BCKDHB: variants seen among roughly 807,000 people sequenced by gnomAD.
BCKDHB encodes 2-oxoisovalerate dehydrogenase subunit beta, mitochondrial.
Under a neutral mutation model 48.5 loss-of-function variants are expected in BCKDHB, and 41 were observed. The ratio of observed to expected loss-of-function variants is 0.85; its 90% CI spans 0.66 to 1.10. BCKDHB has a LOEUF of 1.10. Ranked by LOEUF, BCKDHB falls within the 50% of genes least tolerant of loss-of-function variation. BCKDHB has a pLI of 0.00. For synonymous variants in BCKDHB, 201 were observed against 174.8 expected (o/e 1.15, Z -1.18); for missense variants, 496 against 494.2 (o/e 1.00, Z -0.03).
intron 9 of BCKDHB, among the ~76,000 whole-genome samples, chr6:80,341,004 T>C (rs762975885): frequency 2.9e-4 from 44 of 152,342 alleles, no homozygotes; most frequent in South Asian, 2.1e-4. Context: ...AAGTGTAAAG[T>C]GAAGTTCATG....
chr6:80,461,006 TG>T, the BCKDHB span, among the ~76,000 whole-genome samples: 1 of 152,202 alleles, frequency 6.6e-6, no homozygotes, highest in Non-Finnish European at 1.5e-5. Flanking sequence ...GCTGAGATTT[TG>T]TCGTGATCTT....
At chr6:80,205,920 T>A (rs139975632) in intron 8 of BCKDHB, among the ~76,000 whole-genome samples, 1 of 151,874 alleles carries the variant, frequency 6.6e-6, no homozygotes, top group East Asian at 1.9e-4. Context: ...CTATAGCTGC[T>A]TTTTAGTTGG....
intron 9 of BCKDHB, among the ~76,000 whole-genome samples, chr6:80,338,397 C>T (rs548314691): frequency 6.6e-6 from 1 of 152,154 alleles, no homozygotes; most frequent in Admixed American, 6.5e-5. Flanking sequence ...GCCCCCGACC[C>T]CGGAACCAGC....
At chr6:80,197,962 CCAT>C (rs1774210133) in intron 6 of BCKDHB, among the ~76,000 whole-genome samples, 1 of 151,970 alleles carries the variant, frequency 6.6e-6, no homozygotes, top group Non-Finnish European at 1.5e-5. Context: ...ATCCATCCAT[CCAT>C]CCATCCATCC....
the BCKDHB span, among the ~76,000 whole-genome samples, chr6:80,411,922 T>TGAGGC: frequency 1.3e-5 from 2 of 152,310 alleles, no homozygotes; most frequent in African/African-American, 4.8e-5. Context: ...CCGGGTGAGG[T>TGAGGC]GAGGCCCTGC....
the BCKDHB span, among the ~76,000 whole-genome samples, chr6:80,461,155 T>G: frequency 6.6e-6 from 1 of 152,160 alleles, no homozygotes; most frequent in Non-Finnish European, 1.5e-5. Context: ...CCTCACTAGA[T>G]TTTTTTACTT....
At chr6:80,224,032 T>C (rs1482753691) in intron 8 of BCKDHB, among the ~76,000 whole-genome samples, 1 of 152,208 alleles carries the variant, frequency 6.6e-6, no homozygotes, top group Non-Finnish European at 1.5e-5. Context: ...TAAGGAAGCC[T>C]GACAACCTCA....
At chr6:80,408,072 G>A in the BCKDHB span, among the ~76,000 whole-genome samples, 1 of 152,218 alleles carries the variant, frequency 6.6e-6, no homozygotes. Flanking sequence ...AAGGGGTGTT[G>A]AATTTTGTTG....
At chr6:80,391,929 C>A in the BCKDHB span, among the ~76,000 whole-genome samples, 5 of 152,016 alleles carry the variant, frequency 3.3e-5, no homozygotes, top group African/African-American at 7.2e-5. Context: ...TTTTAAAAAA[C>A]CATTTCAAAG....
In BCKDHB at chr6:80,343,688, G is replaced by T. The variant is rs370815510; in HGVS notation, c.1063G>T (p.Ala355Ser). 2 of 1,613,836 alleles carry T rather than the reference G, an allele frequency of 1.2e-6. No homozygotes were observed. Among genetic ancestry groups the T allele is most frequent in the Admixed American group, 1.7e-5 (1 of 59,980 alleles). ...GGAGGAATGTTTCTTGAACCTAGAG[G>T]CTCCTATATCAAGAGTATGTGGTTA... is the stretch of plus-strand genomic sequence containing the variant. ...VQEECFLNLE[A>S]PISRVCGYDT... Residue 355 changes from alanine to serine, a missense_variant, in exon 10 of 10, where the codon GCT becomes TCT. By Grantham distance (99) the Ala-to-Ser change is moderately conservative (BLOSUM62 1). Transcript: ENST00000320393.
At chr6:80,145,715 C>G (rs1020932752) in intron 3 of BCKDHB, among the ~76,000 whole-genome samples, 2 of 152,142 alleles carry the variant, frequency 1.3e-5, no homozygotes, top group East Asian at 3.9e-4. Context: ...GATTACAAGA[C>G]AGTAGTGGGC....
At chr6:80,187,460 C>A (rs1773695037) in intron 6 of BCKDHB, among the ~76,000 whole-genome samples, 1 of 152,092 alleles carries the variant, frequency 6.6e-6, no homozygotes, top group Non-Finnish European at 1.5e-5. Flanking sequence ...GGGTAAGGGT[C>A]TGTAAAACAT....
the BCKDHB span, among the ~76,000 whole-genome samples, chr6:80,383,356 A>G: frequency 5.4e-4 from 82 of 152,202 alleles, no homozygotes; most frequent in Admixed American, 8.5e-4. Context: ...GCACTGTTCT[A>G]TAATTTTTAA....
the BCKDHB span, among the ~76,000 whole-genome samples, chr6:80,386,989 C>CA: frequency 2.0e-5 from 3 of 152,092 alleles, no homozygotes; most frequent in Non-Finnish European, 4.4e-5. Flanking sequence ...CATCCCCCCC[C>CA]AAGGAGACCT....
chr6:80,322,896 C>CTTTTTTTTTTTTTTTTTTTTTT (rs34177726), intron 9 of BCKDHB, among the ~76,000 whole-genome samples: 2 of 115,562 alleles, frequency 1.7e-5, no homozygotes, highest in African/African-American at 3.2e-5. Context: ...TTTCTTTTTT[C>CTTTTTTTTTTTTTTTTTTTTTT]TTTTTTTTTT....
intron 9 of BCKDHB, 53 bp from the exon 10 acceptor site, chr6:80,343,610 AT>A: frequency 6.3e-7 from 1 of 1,591,380 alleles, no homozygotes; most frequent in Non-Finnish European, 8.6e-7. Context: ...GCACTATTTC[AT>A]TTCTGTGAGT....
chr6:80,406,678 C>A, the BCKDHB span, among the ~76,000 whole-genome samples: 1 of 152,100 alleles, frequency 6.6e-6, no homozygotes, highest in Non-Finnish European at 1.5e-5. Context: ...CTGTTCATAT[C>A]CTTTGCCTAC....
At chr6:80,275,798 C>G (rs1278720792) in intron 9 of BCKDHB, among the ~76,000 whole-genome samples, 1 of 151,920 alleles carries the variant, frequency 6.6e-6, no homozygotes, top group African/African-American at 2.4e-5. Context: ...AGCTTCCTCT[C>G]TATGGAAAGC....
chr6:80,186,664 A>G (rs532921969), intron 6 of BCKDHB, among the ~76,000 whole-genome samples: 5 of 152,144 alleles, frequency 3.3e-5, no homozygotes, highest in Admixed American at 6.5e-5. Flanking sequence ...GTTCAGCTAG[A>G]AGCTTCTTTC....
Sources: gnomAD v4.1 joint callset for allele counts (sites outside exome capture counted in the v4.1 genomes callset) on GRCh38, gnomAD v4.1.1 for gene constraint, MANE v1.5 for transcripts, NCBI Gene and HGNC (gene_info 2026-07-23, HGNC 2026-07-21) for gene names.